The following TENM2 variants were observed in gnomAD, a reference collection of about 807,000 sequenced individuals.
TENM2 encodes teneurin-2.
Under a neutral mutation model 245.2 loss-of-function variants are expected in TENM2, and 52 were observed. The ratio of observed to expected loss-of-function variants is 0.21; its 90% CI spans 0.17 to 0.27. The LOEUF is 0.27. Ranked by LOEUF, TENM2 falls within the 10% of genes least tolerant of loss-of-function variation. The pLI is 1.00. For missense variants in TENM2, 3,046 were observed against 3,666.8 expected (o/e 0.83, Z 4.37); for synonymous variants, 1,363 against 1,438.9 (o/e 0.95, Z 1.19).
the TENM2 span, among the ~76,000 whole-genome samples, chr5:167,110,617 A>G: frequency 6.6e-6 from 1 of 152,234 alleles, no homozygotes; most frequent in South Asian, 2.1e-4. Flanking sequence ...CAGAACAAAA[A>G]TATTTCCAGA....
chr5:167,393,433 G>T (rs1761881205), intron 2 of TENM2, among the ~76,000 whole-genome samples: 1 of 152,114 alleles, frequency 6.6e-6, no homozygotes, highest in Admixed American at 6.6e-5. Flanking sequence ...CTGTGAAAGG[G>T]AATTGACTAT....
chr5:167,888,020 C>A lies in TENM2; in HGVS notation c.712+11825C>A, dbSNP rs191149774. Among the ~76,000 whole-genome samples, 147 of 152,246 alleles carry A rather than the reference C, an allele frequency of 9.7e-4. 1 individual carries two copies. Among genetic ancestry groups the A allele is most frequent in the Admixed American group, 9.2e-3 (141 of 15,286 alleles). On this transcript the variant is annotated intron_variant, in intron 3 of 28. Coordinates refer to ENST00000518659, the Ensembl canonical transcript of TENM2. ...TGTCTGTCGGTCTCTAACTCTCTCT[C>A]CTTATAGGGATACCAATTATTGAAT...
At chr5:168,261,577 G>A (rs1236215459) in intron 28 of TENM2, among the ~76,000 whole-genome samples, 1 of 152,230 alleles carries the variant, frequency 6.6e-6, no homozygotes, top group Non-Finnish European at 1.5e-5. Flanking sequence ...CCAAGTCATT[G>A]GCCTCCAGGA....
chr5:167,602,622 A>G lies in TENM2; in HGVS notation c.502+227149A>G, dbSNP rs76505196. Among the ~76,000 whole-genome samples the G allele has an allele frequency of 2.1e-3, 315 of 152,342 alleles. 1 individual carries two copies. The highest frequency in any genetic ancestry group is 7.2e-3 in the African/African-American group (298 of 41,588). On this transcript the variant is annotated intron_variant, in intron 2 of 28. Transcript: ENST00000518659. ...TGAAAAAGAAACTACTTCTTTGTGAATGCATTTAAACTCACATAAATCCAT... is the reference window on the plus strand; with the variant it reads ...TGAAAAAGAAACTACTTCTTTGTGAGTGCATTTAAACTCACATAAATCCAT...
chr5:167,449,545 TAGATAGA>T (rs1765444594), intron 2 of TENM2, among the ~76,000 whole-genome samples: 1 of 151,712 alleles, frequency 6.6e-6, no homozygotes, highest in Non-Finnish European at 1.5e-5. Context: ...GATAGATAGA[TAGATAGA>T]TAGATAGATA....
chr5:167,230,366 C>T, the TENM2 span, among the ~76,000 whole-genome samples: 21 of 152,274 alleles, frequency 1.4e-4, no homozygotes, highest in African/African-American at 4.1e-4. Flanking sequence ...CAGGCTGCCT[C>T]GCTTCCCTCT....
intron 4 of TENM2, among the ~76,000 whole-genome samples, chr5:167,985,982 A>C (rs768020628): frequency 2.0e-5 from 3 of 152,242 alleles, no homozygotes; most frequent in Non-Finnish European, 4.4e-5. Flanking sequence ...CATAAGAATA[A>C]AATAAAAATT....
chr5:168,156,005 CT>C (rs1757131849), intron 12 of TENM2, among the ~76,000 whole-genome samples: 1 of 150,224 alleles, frequency 6.7e-6, no homozygotes, highest in South Asian at 2.1e-4. Flanking sequence ...GCCAACCGTT[CT>C]TCTAGACCCT....
At chr5:167,832,239 T>C (rs534496352) in intron 2 of TENM2, among the ~76,000 whole-genome samples, 2 of 152,342 alleles carry the variant, frequency 1.3e-5, no homozygotes, top group South Asian at 4.1e-4. Context: ...CTGCGTGGAT[T>C]ACATGCTTTT....
intron 2 of TENM2, among the ~76,000 whole-genome samples, chr5:167,538,018 G>C (rs1430624033): frequency 2.6e-5 from 4 of 152,180 alleles, no homozygotes; most frequent in African/African-American, 7.2e-5. Context: ...GGACACTGTA[G>C]GATAATGAGG....
At chr5:167,046,486 G>A in the TENM2 span, among the ~76,000 whole-genome samples, 1 of 152,104 alleles carries the variant, frequency 6.6e-6, no homozygotes, top group Non-Finnish European at 1.5e-5. Flanking sequence ...TGAAATGCGT[G>A]CCTACTTAAA....
At chr5:168,033,957 G>A (rs1245660243) in intron 5 of TENM2, among the ~76,000 whole-genome samples, 3 of 151,416 alleles carry the variant, frequency 2.0e-5, no homozygotes, top group Admixed American at 6.6e-5. Context: ...AACCTGGGAG[G>A]CAGAGCTTAC....
the TENM2 span, among the ~76,000 whole-genome samples, chr5:167,023,625 C>G: frequency 6.6e-6 from 1 of 152,174 alleles, no homozygotes; most frequent in Non-Finnish European, 1.5e-5. Flanking sequence ...TTGACCAGAA[C>G]AGCAGTACAA....
chr5:167,700,930 A>T (rs546432255), intron 2 of TENM2, among the ~76,000 whole-genome samples: 1 of 145,252 alleles, frequency 6.9e-6, no homozygotes, highest in Non-Finnish European at 1.5e-5. Flanking sequence ...GCCCCAGTAC[A>T]CACAGTTGTT....
the TENM2 span, among the ~76,000 whole-genome samples, chr5:167,239,150 T>C: frequency 2.0e-5 from 3 of 152,196 alleles, no homozygotes; most frequent in Non-Finnish European, 4.4e-5. Context: ...CTTTGAAGAG[T>C]GCCTTGTCAT....
chr5:168,261,518 G>A (rs1768185336), intron 28 of TENM2, among the ~76,000 whole-genome samples: 1 of 152,208 alleles, frequency 6.6e-6, no homozygotes, highest in Non-Finnish European at 1.5e-5. Flanking sequence ...CTCTGCTGCT[G>A]GCTATACTTT....
At chr5:167,097,539 C>T in the TENM2 span, among the ~76,000 whole-genome samples, 1 of 152,060 alleles carries the variant, frequency 6.6e-6, no homozygotes, top group East Asian at 1.9e-4. Context: ...CAAAAAAAAA[C>T]GGTAGTTGTT....
intron 2 of TENM2, among the ~76,000 whole-genome samples, chr5:167,566,094 T>G (rs1356119100): frequency 6.6e-6 from 1 of 152,140 alleles, no homozygotes; most frequent in Non-Finnish European, 1.5e-5. Flanking sequence ...AAATAAATGA[T>G]CTCATTGAGA....
At chr5:167,359,299 C>T (rs761218087) in intron 1 of TENM2, among the ~76,000 whole-genome samples, 22 of 152,112 alleles carry the variant, frequency 1.4e-4, no homozygotes, top group Non-Finnish European at 3.1e-4. Flanking sequence ...GCCTTCATTC[C>T]AGCCACAAAG....
Sources: gnomAD v4.1 joint callset for allele counts (sites outside exome capture counted in the v4.1 genomes callset) on GRCh38, gnomAD v4.1.1 for gene constraint, MANE v1.5 for transcripts, NCBI Gene and HGNC (gene_info 2026-07-23, HGNC 2026-07-21) for gene names.